ENTREP2: variants seen among roughly 807,000 people sequenced by gnomAD.
ENTREP2 encodes protein ENTREP2.
At chr15:29,299,337 T>C in the ENTREP2 span, among the ~76,000 whole-genome samples, 4 of 152,154 alleles carry the variant, frequency 2.6e-5, no homozygotes, top group Non-Finnish European at 5.9e-5. Flanking sequence ...TTGTGTCTGC[T>C]CCATGATGTC....
chr15:29,601,725 T>G, the ENTREP2 span, among the ~76,000 whole-genome samples: 1 of 152,196 alleles, frequency 6.6e-6, no homozygotes, highest in African/African-American at 2.4e-5. Context: ...GTTGGCCAAT[T>G]TGACCTTCTA....
At chr15:29,252,609 G>T in the ENTREP2 span, 1 of 514,814 alleles carries the variant, frequency 1.9e-6, no homozygotes, top group South Asian at 3.9e-5. Flanking sequence ...ACATGTATGT[G>T]TTTTAAAGGA....
At chr15:29,295,971 C>A in the ENTREP2 span, among the ~76,000 whole-genome samples, 1 of 152,156 alleles carries the variant, frequency 6.6e-6, no homozygotes, top group East Asian at 1.9e-4. Context: ...AACTTTGAAA[C>A]CTTTTCCATA....
the ENTREP2 span, among the ~76,000 whole-genome samples, chr15:29,395,045 C>G: frequency 6.9e-6 from 1 of 144,116 alleles, no homozygotes; most frequent in East Asian, 2.1e-4. Context: ...CACCACCACG[C>G]CCGGCTACTT....
chr15:29,133,488 T>C, the ENTREP2 span, among the ~76,000 whole-genome samples: 3 of 152,172 alleles, frequency 2.0e-5, no homozygotes, highest in East Asian at 5.8e-4. Context: ...TCCACTCCTT[T>C]ACCTGGTGTG....
chr15:29,174,584 G>C, the ENTREP2 span, among the ~76,000 whole-genome samples: 1 of 152,120 alleles, frequency 6.6e-6, no homozygotes, highest in Non-Finnish European at 1.5e-5. Context: ...AGCTACTTGG[G>C]AGGCTGAGGC....
chr15:29,505,038 C>T, the ENTREP2 span, among the ~76,000 whole-genome samples: 2 of 152,256 alleles, frequency 1.3e-5, no homozygotes, highest in Non-Finnish European at 2.9e-5. This position sits in a 1 kb window ranked among gnomAD's most constrained non-coding sequence, Gnocchi z 4.3. Context: ...TGTCCAACAA[C>T]TGTTTGTTAA....
the ENTREP2 span, among the ~76,000 whole-genome samples, chr15:29,255,810 G>C: frequency 6.6e-6 from 1 of 151,990 alleles, no homozygotes; most frequent in Non-Finnish European, 1.5e-5. Context: ...GACCATCCTG[G>C]CTAACACGGT....
chr15:29,395,139 C>T, the ENTREP2 span, among the ~76,000 whole-genome samples: 4 of 151,500 alleles, frequency 2.6e-5, no homozygotes, highest in South Asian at 2.1e-4. Context: ...CCGCCCGCCT[C>T]GGCCTCCCAA....
chr15:29,660,343 A>C, the ENTREP2 span, among the ~76,000 whole-genome samples: 1 of 152,102 alleles, frequency 6.6e-6, no homozygotes, highest in East Asian at 1.9e-4. Context: ...TTCTAGAGGG[A>C]CTTGATGGAG....
At chr15:29,370,902 G>A in the ENTREP2 span, among the ~76,000 whole-genome samples, 2 of 151,900 alleles carry the variant, frequency 1.3e-5, no homozygotes, top group South Asian at 2.1e-4. Flanking sequence ...ACACATCATA[G>A]AAGACACTAA....
the ENTREP2 span, chr15:29,266,484 A>G: frequency 3.3e-5 from 5 of 152,276 alleles, no homozygotes; most frequent in Admixed American, 2.6e-4. Context: ...TGCAAATCTC[A>G]AAGAACTGGA....
At chr15:29,142,677 A>G in the ENTREP2 span, among the ~76,000 whole-genome samples, 3 of 152,212 alleles carry the variant, frequency 2.0e-5, no homozygotes, top group Admixed American at 1.3e-4. Context: ...GCACTGTCTA[A>G]AGGAGGTCAA....
the ENTREP2 span, among the ~76,000 whole-genome samples, chr15:29,444,337 G>A: frequency 6.6e-6 from 1 of 152,208 alleles, no homozygotes; most frequent in African/African-American, 2.4e-5. Flanking sequence ...AAGCAAGCAT[G>A]TGAAATCACG....
the ENTREP2 span, among the ~76,000 whole-genome samples, chr15:29,653,679 C>A: frequency 2.0e-5 from 3 of 152,242 alleles, no homozygotes; most frequent in East Asian, 5.8e-4. Flanking sequence ...GCCTCCCCAG[C>A]CATGCTGAAC....
the ENTREP2 span, among the ~76,000 whole-genome samples, chr15:29,149,654 G>GAT: frequency 6.6e-6 from 1 of 152,194 alleles, no homozygotes; most frequent in Non-Finnish European, 1.5e-5. Flanking sequence ...CGAGGAAACG[G>GAT]GGTCCCACAG....
chr15:29,118,707 G>A, the ENTREP2 span, among the ~76,000 whole-genome samples: 18 of 151,414 alleles, frequency 1.2e-4, no homozygotes, highest in African/African-American at 2.2e-4. Flanking sequence ...ATGCGTGTGC[G>A]TGTGTAAAAG....
chr15:29,409,348 C>CT, the ENTREP2 span, among the ~76,000 whole-genome samples: 97 of 148,284 alleles, frequency 6.5e-4, no homozygotes, highest in Admixed American at 2.1e-3. Context: ...ATTAATTTTT[C>CT]TTTTTTTTTT....
At chr15:29,418,087 T>C in the ENTREP2 span, among the ~76,000 whole-genome samples, 1 of 152,204 alleles carries the variant, frequency 6.6e-6, no homozygotes, top group Non-Finnish European at 1.5e-5. Flanking sequence ...CCCACTATCA[T>C]GGAGTCCACT....
Sources: gnomAD v4.1 joint callset for allele counts (sites outside exome capture counted in the v4.1 genomes callset) on GRCh38, gnomAD v4.1.1 for gene constraint, Gnocchi (gnomAD v3.1) non-coding constraint, MANE v1.5 for transcripts, NCBI Gene and HGNC (gene_info 2026-07-23, HGNC 2026-07-21) for gene names.